The following TBC1D30 variants were observed in gnomAD, a reference collection of about 807,000 sequenced individuals.
TBC1D30 encodes TBC1 domain family member 30, also known as TBC1 domain family, member 30.
TBC1D30 carries 31 observed loss-of-function variants against 63.2 expected under a neutral mutation model. The observed-to-expected ratio is 0.49, with a 90% CI of 0.37 to 0.66. TBC1D30 has a LOEUF of 0.66. TBC1D30 is among the 30% of genes least tolerant of loss of function. The pLI is 0.00. For missense variants in TBC1D30, 810 were observed against 953.6 expected (o/e 0.85, Z 1.98); for synonymous variants, 307 against 361.5 (o/e 0.85, Z 1.71).
chr12:64,879,696 T>G lies in TBC1D30; in HGVS notation c.*3908T>G, dbSNP rs1163198392. On this transcript the variant is annotated 3_prime_UTR_variant, in exon 12 of 12. Coordinates refer to ENST00000539867, the MANE Select transcript of TBC1D30 (RefSeq NM_015279.2). ...TTAAAAGAAGCATTAAGTAAGATGT[T>G]GAGGTTTCTGGTAGGTGCCTATTAT... The G allele has an allele frequency of 6.6e-6, 1 of 152,222 alleles. No individual in the cohort carries two copies. The highest frequency in any genetic ancestry group is 1.9e-4 in the East Asian group (1 of 5,202). The allele number at this position is 152,222 out of a possible 1,614,324, so 9.4% of individuals were successfully genotyped here.
At chr12:64,852,499 C>T (rs962717432) in intron 8 of TBC1D30, among the ~76,000 whole-genome samples, 1 of 152,126 alleles carries the variant, frequency 6.6e-6, no homozygotes, top group Non-Finnish European at 1.5e-5. Context: ...ATTCGTCAAA[C>T]TCATTCTCTG....
At chr12:64,779,360 C>T (rs1565637528), upstream of TBC1D30, 1 of 152,156 alleles carries the variant, frequency 6.6e-6, no homozygotes, top group Non-Finnish European at 1.5e-5. Flanking sequence ...ACTCTCATTT[C>T]ATACATTTAA....
In TBC1D30 at chr12:64,875,915, A is replaced by G. The variant is rs188380116; in HGVS notation, c.*127A>G. The G allele has an allele frequency of 2.4e-3, 2,435 of 994,588 alleles. 4 individuals carry two copies. Among genetic ancestry groups the G allele is most frequent in the Non-Finnish European group, 3.2e-3 (2,250 of 713,156 alleles). The allele number at this position is 994,588 out of a possible 1,614,324, so 61.6% of individuals were successfully genotyped here. On this transcript the variant is annotated 3_prime_UTR_variant, in exon 12 of 12. Transcript: ENST00000539867. ...TAGGTTCAGGGATGAGCAACAGCCC[A>G]TAAAAAATGGGAACTGGAAGTTTTA... is the stretch of plus-strand genomic sequence containing the variant.
At chr12:64,829,191 G>A (rs1034879304) in intron 3 of TBC1D30, among the ~76,000 whole-genome samples, 1 of 152,262 alleles carries the variant, frequency 6.6e-6, no homozygotes, top group East Asian at 1.9e-4. Flanking sequence ...TTGAGCAGGG[G>A]AGTGACATGA....
intron 2 of TBC1D30, among the ~76,000 whole-genome samples, chr12:64,796,824 C>T (rs141267008): frequency 2.4e-4 from 36 of 152,142 alleles, no homozygotes; most frequent in African/African-American, 8.2e-4. Context: ...TAAGACCTCA[C>T]GATTTGAAGT....
chr12:64,796,540 A>G (rs1218008584), intron 2 of TBC1D30, among the ~76,000 whole-genome samples: 1 of 152,212 alleles, frequency 6.6e-6, no homozygotes, highest in African/African-American at 2.4e-5. Context: ...AACATCAGAT[A>G]GACACCATAT....
chr12:64,770,886 T>C (rs1369259611), intron 1 of TBC1D30, among the ~76,000 whole-genome samples: 5 of 150,886 alleles, frequency 3.3e-5, no homozygotes, highest in African/African-American at 1.2e-4. Context: ...TTTTTTTTTT[T>C]GTATTTTAGT....
At chr12:64,859,991 C>T (rs1877640518) in intron 8 of TBC1D30, among the ~76,000 whole-genome samples, 2 of 151,600 alleles carry the variant, frequency 1.3e-5, no homozygotes, top group South Asian at 4.2e-4. Context: ...TTCCTCTGTA[C>T]TCCTCCAGTA....
At chr12:64,772,801 G>A (rs1369888797) in intron 1 of TBC1D30, among the ~76,000 whole-genome samples, 1 of 152,098 alleles carries the variant, frequency 6.6e-6, no homozygotes, top group African/African-American at 2.4e-5. Flanking sequence ...GCAAGACTCT[G>A]TCTCTAAAAA....
In TBC1D30 at chr12:64,877,078, G is replaced by A. The variant is rs1879143081; in HGVS notation, c.*1290G>A. ...GAAGCCATTCACTAAAATCCCTCCT[G>A]ACTCAAAGGACCTGTCTCCAGATGG... is the stretch of plus-strand genomic sequence containing the variant. On this transcript the variant is annotated 3_prime_UTR_variant, in exon 12 of 12. Transcript: ENST00000539867. 1 of 358,160 alleles carries A rather than the reference G, an allele frequency of 2.8e-6. No homozygotes were observed. Among genetic ancestry groups the A allele is most frequent in the Non-Finnish European group, 5.6e-6 (1 of 179,300 alleles). The allele number at this position is 358,160 out of a possible 1,614,324, so 22.2% of individuals were successfully genotyped here.
chr12:64,766,613 C>T (rs1870723187), intron 1 of TBC1D30, among the ~76,000 whole-genome samples: 1 of 152,134 alleles, frequency 6.6e-6, no homozygotes, highest in Non-Finnish European at 1.5e-5. Context: ...CTTCAATACT[C>T]CACTTTCAAT....
At chr12:64,767,836 C>A (rs1870776647) in intron 1 of TBC1D30, among the ~76,000 whole-genome samples, 1 of 143,894 alleles carries the variant, frequency 6.9e-6, no homozygotes, top group Admixed American at 7.2e-5. Context: ...AATTTAGAAA[C>A]TTGGTACTTC....
At chr12:64,868,691 A>G (rs1043879197) in intron 10 of TBC1D30, 2 of 259,792 alleles carry the variant, frequency 7.7e-6, no homozygotes, top group African/African-American at 4.6e-5. Context: ...TCTCTTCGAC[A>G]CCCTCCATGG....
chr12:64,786,116 C>T, intron 2 of TBC1D30: 1 of 1,179,044 alleles, frequency 8.5e-7, no homozygotes, highest in Non-Finnish European at 1.1e-6. Flanking sequence ...AGCCAACAGT[C>T]TGTGTTTGTG....
Position 64,875,645 on chromosome 12 carries a change from G to A in TBC1D30, c.2143G>A (p.Val715Ile), listed in dbSNP as rs766614364. 56 of 1,536,094 alleles carry A rather than the reference G, an allele frequency of 3.6e-5. No homozygotes were observed. Among genetic ancestry groups the A allele is most frequent in the East Asian group, 1.7e-4 (7 of 40,926 alleles). ...CCCCATCTTTAGCCCTTTTCCCAGC[G>A]TCAAGCCCCTGCGGAAATCTGCTAC... is the stretch of plus-strand genomic sequence containing the variant. ...KTPIFSPFPS[V>I]KPLRKSATAR... Residue 715 changes from valine (V) to isoleucine (I), a missense_variant, in exon 12 of 12, where the codon GTC becomes ATC. Coordinates refer to ENST00000539867, the MANE Select transcript of TBC1D30 (RefSeq NM_015279.2).
chr12:64,778,225 G>C (rs891758933), upstream of TBC1D30, among the ~76,000 whole-genome samples: 5 of 152,070 alleles, frequency 3.3e-5, no homozygotes, highest in Admixed American at 2.6e-4. Context: ...GTAGGTAATT[G>C]GTTGTTTTTT....
exon 1 of TBC1D30, chr12:64,780,741 TC>T: frequency 1.3e-5 from 13 of 986,176 alleles, no homozygotes; most frequent in Non-Finnish European, 1.6e-5. Context: ...CCGCGCCTCC[TC>T]CCGGAACTGG....
intron 10 of TBC1D30, 26 bp from the exon 11 acceptor site, chr12:64,870,576 C>A (rs774716271): frequency 2.5e-5 from 38 of 1,530,938 alleles, no homozygotes; most frequent in Non-Finnish European, 6.1e-6. Flanking sequence ...CCGACCATCT[C>A]CTTATGTCTC....
At chr12:64,852,349 C>T (rs962607994) in intron 8 of TBC1D30, among the ~76,000 whole-genome samples, 14 of 152,040 alleles carry the variant, frequency 9.2e-5, no homozygotes, top group Non-Finnish European at 1.6e-4. Context: ...TTTTCAGCTC[C>T]ATCAGGTCAT....
Sources: allele counts gnomAD v4.1 joint callset (sites outside exome capture counted in the v4.1 genomes callset), GRCh38; gene constraint gnomAD v4.1.1; transcripts MANE v1.5; gene names NCBI Gene and HGNC (gene_info 2026-07-23, HGNC 2026-07-21).